Variants in PLXDC2 observed in about 807,000 individuals in gnomAD.
PLXDC2 encodes the protein plexin domain containing 2, also known as plexin domain-containing protein 2.
A neutral mutation model predicts 68.9 loss-of-function variants in PLXDC2; 40 were observed. The ratio of observed to expected loss-of-function variants is 0.58; its 90% CI spans 0.45 to 0.76. PLXDC2 has a LOEUF of 0.76. PLXDC2 is among the 30% of genes least tolerant of loss of function. PLXDC2 has a pLI of 0.00. For missense variants in PLXDC2, 644 were observed against 661.9 expected (o/e 0.97, Z 0.30); for synonymous variants, 243 against 234.2 (o/e 1.04, Z -0.34).
chr10:20,057,418 C>G (rs1272307075), intron 3 of PLXDC2, among the ~76,000 whole-genome samples: 2 of 151,880 alleles, frequency 1.3e-5, no homozygotes, highest in African/African-American at 2.4e-5. Flanking sequence ...TTTGTCTGTT[C>G]CTTTCTACCT....
At chr10:20,274,858 A>T (rs1835984953) in intron 13 of PLXDC2, among the ~76,000 whole-genome samples, 1 of 149,324 alleles carries the variant, frequency 6.7e-6, no homozygotes, top group Non-Finnish European at 1.5e-5. Context: ...ACTCATGTGA[A>T]TCAGAATTTC....
chr10:20,020,018 T>TC (rs1332446993), intron 2 of PLXDC2, among the ~76,000 whole-genome samples: 2 of 150,514 alleles, frequency 1.3e-5, no homozygotes, highest in African/African-American at 4.9e-5. Flanking sequence ...TTTCTTGCTT[T>TC]TTTTTTTATT....
At chr10:20,068,357 A>T (rs111426727) in intron 4 of PLXDC2, 118 bp downstream of exon 4, 29 of 908,332 alleles carry the variant, frequency 3.2e-5, no homozygotes, top group African/African-American at 2.5e-4. Context: ...GTGTTTTATC[A>T]CAAAGTCATA....
chr10:19,833,495 G>A (rs958986991), intron 1 of PLXDC2, among the ~76,000 whole-genome samples: 10 of 152,188 alleles, frequency 6.6e-5, no homozygotes, highest in Admixed American at 2.6e-4. Flanking sequence ...TAAAAGGTGC[G>A]TTAAAAGAAC....
chr10:20,161,330 TAA>T (rs35416320), intron 6 of PLXDC2, among the ~76,000 whole-genome samples: 135 of 149,154 alleles, frequency 9.1e-4, no homozygotes, highest in African/African-American at 3.2e-3. Flanking sequence ...AAATAAAAAT[TAA>T]AAAAAAAAAT....
chr10:19,880,230 T>C (rs1837703183), intron 1 of PLXDC2, among the ~76,000 whole-genome samples: 1 of 152,238 alleles, frequency 6.6e-6, no homozygotes. Flanking sequence ...ACAAAAACCC[T>C]ATTATACTTT....
chr10:20,197,303 A>G (rs936405970), intron 9 of PLXDC2, among the ~76,000 whole-genome samples: 6 of 152,156 alleles, frequency 3.9e-5, no homozygotes, highest in Non-Finnish European at 7.4e-5. Context: ...CCTTCAAAAA[A>G]CCATATATCA....
Position 20,001,984 on chromosome 10 carries a change from G to A in PLXDC2, c.322G>A (p.Glu108Lys), listed in dbSNP as rs765568257. 1.2e-5 allele frequency: 20 copies of A among 1,610,984 alleles called. No individual in the cohort carries two copies. The East Asian group carries it at 3.1e-4, about 25-fold the overall frequency. The change falls in exon 2 of 14, where the codon GAG (glutamate) becomes AAG (lysine). Residue 108 changes from glutamate (E) to lysine (K), a missense_variant and splice_region_variant. Around this residue, in one of 3 missense-constraint regions of PLXDC2, gnomAD observed 201 missense variants for 166.9 expected, o/e 1.20. Coordinates refer to ENST00000377252, the MANE Select transcript of PLXDC2 (RefSeq NM_032812.9). ...TGGGCAGGACAATAACACTCAGATC[G>A]AGGTAGATAAATAGTCTGGGTAATT... The part of the protein sequence containing the change: ...DDGQDNNTQI[E>K]EDTDHNYYIS...
intron 12 of PLXDC2, among the ~76,000 whole-genome samples, chr10:20,227,277 A>G (rs528021251): frequency 1.6e-4 from 24 of 152,288 alleles, no homozygotes; most frequent in Middle Eastern, 3.4e-3. Flanking sequence ...AAGTAAATTG[A>G]TATTTACGTA....
chr10:20,089,198 G>A (rs1244911986), intron 4 of PLXDC2, among the ~76,000 whole-genome samples: 1 of 127,874 alleles, frequency 7.8e-6, no homozygotes, highest in Non-Finnish European at 1.6e-5. Context: ...GTGTGTGTGT[G>A]TGTGTGTGTG....
At chr10:20,110,289 T>C (rs1439005918) in intron 4 of PLXDC2, among the ~76,000 whole-genome samples, 1 of 152,066 alleles carries the variant, frequency 6.6e-6, no homozygotes, top group Admixed American at 6.5e-5. Flanking sequence ...TTGCCTATCC[T>C]GGAGAGAAGA....
chr10:19,963,015 A>AT (rs1834187510), intron 1 of PLXDC2, among the ~76,000 whole-genome samples: 3 of 138,676 alleles, frequency 2.2e-5, no homozygotes, highest in Non-Finnish European at 3.2e-5. Context: ...AAAAAAGTTT[A>AT]TTTTTTTCTC....
At chr10:20,172,998 T>C (rs1197802666) in intron 7 of PLXDC2, among the ~76,000 whole-genome samples, 3 of 152,230 alleles carry the variant, frequency 2.0e-5, no homozygotes, top group African/African-American at 7.2e-5. Flanking sequence ...GTAGCTACTT[T>C]ATTTAACAAC....
At chr10:20,122,615 A>G (rs1833715144) in intron 4 of PLXDC2, among the ~76,000 whole-genome samples, 1 of 152,204 alleles carries the variant, frequency 6.6e-6, no homozygotes, top group African/African-American at 2.4e-5. Context: ...GATTTCTGGC[A>G]CTTGTAGCAA....
intron 1 of PLXDC2, among the ~76,000 whole-genome samples, chr10:19,966,536 C>T (rs1431277575): frequency 6.6e-6 from 1 of 150,950 alleles, no homozygotes; most frequent in Non-Finnish European, 1.5e-5. Flanking sequence ...TAATTTGGGT[C>T]ACATTTTTAA....
rs2119408866 is a variant in PLXDC2 at position 20,285,965 on chromosome 10, C to T, written c.*6146C>T. 1 of 152,274 alleles carries T rather than the reference C, an allele frequency of 6.6e-6. No individual in the cohort carries two copies. The highest frequency in any genetic ancestry group is 2.4e-5 in the African/African-American group (1 of 41,544). 9.4% of individuals were successfully genotyped at this position (152,274 alleles called of 1,614,324 possible). A position where few individuals can be genotyped will look rare whatever the true frequency, so the allele number is the denominator to read the frequency against. On this transcript the variant is annotated 3_prime_UTR_variant, in exon 14 of 14. Transcript: ENST00000377252. ...TCAACTTAAATTGTAATACATCTGC[C>T]TAATTATTGTCTGGAATAACTTTTC...
intron 1 of PLXDC2, among the ~76,000 whole-genome samples, chr10:19,902,624 A>G (rs1346209811): frequency 6.6e-6 from 1 of 152,158 alleles, no homozygotes; most frequent in Non-Finnish European, 1.5e-5. Context: ...TATCACCAGC[A>G]AACAGCAACA....
chr10:19,975,290 T>C (rs896155901), intron 1 of PLXDC2, among the ~76,000 whole-genome samples: 6 of 150,158 alleles, frequency 4.0e-5, no homozygotes, highest in African/African-American at 1.5e-4. Flanking sequence ...CCGTCTCTAC[T>C]AAAAAAAAAT....
intron 6 of PLXDC2, among the ~76,000 whole-genome samples, chr10:20,160,286 G>C (rs1834273672): frequency 6.6e-6 from 1 of 152,052 alleles, no homozygotes. Context: ...TATGGTAGTG[G>C]TGGTTTGACA....
Sources: allele counts gnomAD v4.1 joint callset (sites outside exome capture counted in the v4.1 genomes callset), GRCh38; gene constraint gnomAD v4.1.1; regional missense constraint gnomAD v4.1.1; transcripts MANE v1.5; gene names NCBI Gene and HGNC (gene_info 2026-07-23, HGNC 2026-07-21).